The following NCKAP5 variants were observed in gnomAD, a reference collection of about 807,000 sequenced individuals.
NCKAP5 encodes nck-associated protein 5.
A neutral mutation model predicts 167.0 loss-of-function variants in NCKAP5; 92 were observed. The ratio of observed to expected loss-of-function variants is 0.55; its 90% CI spans 0.47 to 0.66. The LOEUF is 0.66. NCKAP5 is among the 30% of genes least tolerant of loss of function. NCKAP5 has a pLI of 0.00. For missense variants in NCKAP5, 2,378 were observed against 2,315.0 expected (o/e 1.03, Z -0.56); for synonymous variants, 891 against 877.4 (o/e 1.02, Z -0.27).
At chr2:133,427,490 T>C (rs1303819641) in intron 3 of NCKAP5, among the ~76,000 whole-genome samples, 1 of 152,174 alleles carries the variant, frequency 6.6e-6, no homozygotes, top group African/African-American at 2.4e-5. Flanking sequence ...ATTTAATTTG[T>C]CCCAGAAAAG....
intron 14 of NCKAP5, 91 bp from the exon 15 acceptor site, chr2:132,781,320 C>G (rs568413536): frequency 3.7e-4 from 438 of 1,172,040 alleles, no homozygotes; most frequent in Non-Finnish European, 5.0e-4. Context: ...TTAAAGTAAC[C>G]TCTTTGTAGC....
chr2:132,803,572 T>C (rs904008940), intron 11 of NCKAP5, among the ~76,000 whole-genome samples: 2 of 152,240 alleles, frequency 1.3e-5, no homozygotes, highest in Non-Finnish European at 2.9e-5. Context: ...AGAAAGTTTA[T>C]TCGTGGTCTC....
intron 19 of NCKAP5, among the ~76,000 whole-genome samples, chr2:132,693,784 C>T (rs879728596): frequency 1.3e-5 from 2 of 152,022 alleles, no homozygotes; most frequent in Non-Finnish European, 2.9e-5. Context: ...TGCCACCATG[C>T]CCGGCTAATT....
chr2:133,291,766 T>TC (rs1346612146), intron 4 of NCKAP5, among the ~76,000 whole-genome samples: 1 of 152,234 alleles, frequency 6.6e-6, no homozygotes, highest in African/African-American at 2.4e-5. Context: ...ACGTTTGCGT[T>TC]CCCACGCATG....
At chr2:132,934,825 A>G (rs192853272) in intron 8 of NCKAP5, among the ~76,000 whole-genome samples, 12 of 152,278 alleles carry the variant, frequency 7.9e-5, no homozygotes, top group Admixed American at 3.3e-4. Context: ...AACCCATTTG[A>G]GTGTGGAGAA....
intron 4 of NCKAP5, among the ~76,000 whole-genome samples, chr2:133,226,771 C>G (rs1458696824): frequency 1.3e-5 from 2 of 152,096 alleles, no homozygotes; most frequent in Non-Finnish European, 2.9e-5. Flanking sequence ...AGGCAACCAA[C>G]CTTGTCAATG....
Position 133,390,072 on chromosome 2 carries a change from A to G in NCKAP5, c.70-86962T>C, listed in dbSNP as rs545207672. Among the ~76,000 whole-genome samples, 8 of 152,352 alleles carry G rather than the reference A, an allele frequency of 5.3e-5. No homozygotes were observed. In the South Asian group the frequency reaches 1.7e-3, roughly 32 times the overall value. On this transcript the variant is annotated intron_variant, in intron 3 of 19. Transcript: ENST00000409261. ...CCCACAACTAAGGATGGCAGGTAAC[A>G]TTCATGTGATAACACTCACCTATGC...
At chr2:132,833,260 C>T (rs368701605) in intron 11 of NCKAP5, among the ~76,000 whole-genome samples, 52 of 152,132 alleles carry the variant, frequency 3.4e-4, no homozygotes, top group African/African-American at 8.2e-4. Context: ...CTTGTATATT[C>T]GGGATGTTAG....
rs796595078 is a variant in NCKAP5, at chr2:132,988,165, G to C, written c.429+5987C>G. On this transcript the variant is annotated intron_variant, in intron 7 of 19. Coordinates refer to ENST00000409261, the MANE Select transcript of NCKAP5 (RefSeq NM_207363.3). ...CTTGAAGTTATTGTTCTGTTCTAAG[G>C]GTTTCACTTGGTTTAGCACATGTTT... 3.9e-5 allele frequency among the ~76,000 whole-genome samples: 6 copies of C among 152,176 alleles called. No homozygotes were observed. The East Asian group carries it at 7.7e-4, about 20-fold the overall frequency.
chr2:133,327,185 A>G (rs1682513137), intron 3 of NCKAP5, among the ~76,000 whole-genome samples: 1 of 152,202 alleles, frequency 6.6e-6, no homozygotes, highest in South Asian at 2.1e-4. Context: ...TCTAATTTAG[A>G]GTTCTAGGCC....
At position 132,971,201 on chromosome 2, in the gene NCKAP5, G is replaced by C. The variant is rs7556707; in HGVS notation, c.430-7332C>G. 9.4e-3 allele frequency among the ~76,000 whole-genome samples: 1,425 copies of C among 152,274 alleles called. 17 individuals are homozygous for C. The highest frequency in any genetic ancestry group is 0.033 in the African/African-American group (1,366 of 41,560). ...ATAGCACTGTAGTGTGTCCTGTGAG[G>C]AAGAGTTTCAAGGTGCTTTGAGAAC... On this transcript the variant is annotated intron_variant, in intron 7 of 19. Coordinates refer to ENST00000409261, the MANE Select transcript of NCKAP5 (RefSeq NM_207363.3).
intron 5 of NCKAP5, among the ~76,000 whole-genome samples, chr2:133,195,419 A>G (rs1047520142): frequency 2.0e-5 from 3 of 152,174 alleles, no homozygotes; most frequent in African/African-American, 7.2e-5. Context: ...GCTCTTCAAA[A>G]TAAGTGTAAA....
chr2:132,799,221 T>A (rs1684841782), intron 11 of NCKAP5, among the ~76,000 whole-genome samples: 1 of 151,472 alleles, frequency 6.6e-6, no homozygotes, highest in Non-Finnish European at 1.5e-5. Flanking sequence ...GACATAAACA[T>A]GGGAACAACA....
intron 3 of NCKAP5, among the ~76,000 whole-genome samples, chr2:133,493,270 C>T (rs560546236): frequency 2.6e-5 from 4 of 152,284 alleles, no homozygotes; most frequent in Non-Finnish European, 5.9e-5. Flanking sequence ...AGTTGACAGG[C>T]ATGCATGTCA....
rs1415921465 is a variant in NCKAP5, at chr2:133,430,804, G to T, written c.69+86654C>A. On this transcript the variant is annotated intron_variant, in intron 3 of 19. Transcript: ENST00000409261. ...ACATGAATAAAAAATCTCCCAAATG[G>T]GTATAATCTGAGAGTTATCACTGGG... Among the ~76,000 whole-genome samples the T allele has an allele frequency of 4.0e-5, 6 of 151,536 alleles. 1 individual carries two copies. The highest frequency in any genetic ancestry group is 7.4e-5 in the Non-Finnish European group (5 of 67,882).
chr2:132,819,292 G>A (rs1404896615), intron 11 of NCKAP5, among the ~76,000 whole-genome samples: 2 of 152,108 alleles, frequency 1.3e-5, no homozygotes, highest in South Asian at 2.1e-4. Flanking sequence ...CCTGGTTGGG[G>A]GAGGAACTTA....
intron 6 of NCKAP5, among the ~76,000 whole-genome samples, chr2:133,010,082 A>T (rs2078103123): frequency 6.6e-6 from 1 of 150,838 alleles, no homozygotes; most frequent in African/African-American, 2.4e-5. Flanking sequence ...AAAAAAAAAA[A>T]TAAATAAATA....
At chr2:132,754,506 C>A (rs1307335609) in intron 16 of NCKAP5, among the ~76,000 whole-genome samples, 1 of 152,172 alleles carries the variant, frequency 6.6e-6, no homozygotes, top group African/African-American at 2.4e-5. Context: ...GAAGTAATAA[C>A]CAACTAAGCT....
chr2:132,716,705 G>A (rs980267818), intron 19 of NCKAP5, among the ~76,000 whole-genome samples: 1 of 152,132 alleles, frequency 6.6e-6, no homozygotes, highest in Non-Finnish European at 1.5e-5. Flanking sequence ...CATCTCTGCT[G>A]TAGCCTGCAG....
Sources: gnomAD v4.1 joint callset for allele counts (sites outside exome capture counted in the v4.1 genomes callset) on GRCh38, gnomAD v4.1.1 for gene constraint, MANE v1.5 for transcripts, NCBI Gene and HGNC (gene_info 2026-07-23, HGNC 2026-07-21) for gene names.